Variants in SLC40A1 observed in about 807,000 individuals in gnomAD.
SLC40A1 encodes solute carrier family 40 member 1, also known as ferroportin.
In SLC40A1, 16 loss-of-function variants were observed where a neutral mutation model predicts 53.5. The ratio of observed to expected loss-of-function variants is 0.30; its 90% CI spans 0.20 to 0.45. SLC40A1 has a LOEUF of 0.45. Ranked by LOEUF, SLC40A1 falls within the 20% of genes least tolerant of loss-of-function variation. The probability of loss-of-function intolerance (pLI) is 1.00; values close to 1 mark genes in which losing one functional copy is unlikely to be tolerated. For synonymous variants in SLC40A1, 247 were observed against 253.2 expected, an observed-to-expected ratio of 0.98 and a Z score of 0.23; for missense variants, 545 against 695.4, an observed-to-expected ratio of 0.78 and a Z score of 2.43.
At chr2:189,563,404 TATAAA>T (rs1386919585) in intron 7 of SLC40A1, among the ~76,000 whole-genome samples, 175 bp downstream of exon 7, 1 of 151,950 alleles carries the variant, frequency 6.6e-6, no homozygotes, top group Non-Finnish European at 1.5e-5. Context: ...GTTTTCAAAC[TATAAA>T]ATAAAAAACA....
At chr2:189,570,045 CA>C in intron 5 of SLC40A1, among the ~76,000 whole-genome samples, 1 of 132,286 alleles carries the variant, frequency 7.6e-6, no homozygotes, top group Non-Finnish European at 1.7e-5. Context: ...TATATATATA[CA>C]CACACCTATA....
chr2:189,571,875 G>T, intron 4 of SLC40A1, 34 bp from the exon 5 acceptor site: 1 of 1,384,198 alleles, frequency 7.2e-7, no homozygotes, highest in Non-Finnish European at 1.0e-6. Context: ...GAGTTATAAT[G>T]TCAGTTTACC....
At chr2:189,569,840 A>G (rs1470828100) in intron 5 of SLC40A1, among the ~76,000 whole-genome samples, 1 of 152,138 alleles carries the variant, frequency 6.6e-6, no homozygotes, top group Non-Finnish European at 1.5e-5. Flanking sequence ...ATAATTCATA[A>G]TATAAAGACA....
chr2:189,571,903 C>T (rs927577896), intron 4 of SLC40A1, 62 bp from the exon 5 acceptor site: 1 of 1,029,080 alleles, frequency 9.7e-7, no homozygotes, highest in African/African-American at 1.6e-5. Context: ...ACATATGTCA[C>T]TAAACAAGGC....
chr2:189,567,411 T>C (rs1382796369), intron 5 of SLC40A1, among the ~76,000 whole-genome samples: 1 of 152,210 alleles, frequency 6.6e-6, no homozygotes, highest in East Asian at 1.9e-4. Context: ...TTTGAGATGA[T>C]GGAGATGTAT....
At position 189,580,625 on chromosome 2, in the gene SLC40A1, A is replaced by T. The variant is rs2031438738; in HGVS notation, c.-165T>A. ...GACGACTTTGGCAAAGAACAAAAGAAAAGGGGCCCAGGGATTTTCTTTTTT... is the reference window on the plus strand; with the variant it reads ...GACGACTTTGGCAAAGAACAAAAGATAAGGGGCCCAGGGATTTTCTTTTTT... On this transcript the variant is annotated 5_prime_UTR_variant, in exon 1 of 8. Transcript: ENST00000261024. The T allele has an allele frequency of 6.5e-7, 1 of 1,537,452 alleles. No individual in the cohort carries two copies. The highest frequency in any genetic ancestry group is 1.4e-5 in the African/African-American group (1 of 72,674).
At chr2:189,562,653 A>G (rs1241433970) in intron 7 of SLC40A1, among the ~76,000 whole-genome samples, 1 of 152,224 alleles carries the variant, frequency 6.6e-6, no homozygotes, top group East Asian at 1.9e-4. Context: ...GGAAATTAAT[A>G]TCTTCAATAA....
rs560856820 is a variant in SLC40A1, at chr2:189,562,140, A to G, written c.1454T>C (p.Ile485Thr). ...ATTTATAATGCCTCTTTCAGATTCA[A>G]TTACATTTTCTTGCAGCAACTGTGT... ...TVTQLLQENV[I>T]ESERGIINGV... is the part of the protein sequence containing the mutation. Residue 485 changes from isoleucine to threonine, a missense_variant, in exon 8 of 8, where the codon ATT (isoleucine) becomes ACT (threonine). By Grantham distance (89) the Ile-to-Thr change is moderately conservative. Around this residue, in one of 4 missense-constraint regions of SLC40A1, gnomAD observed 234 missense variants for 299.0 expected, o/e 0.78. Transcript: ENST00000261024. 1.9e-6 allele frequency: 3 copies of G among 1,613,932 alleles called. No individual in the cohort carries two copies. Among genetic ancestry groups the G allele is most frequent in the African/African-American group, 2.7e-5 (2 of 75,056 alleles).
chr2:189,580,784 G>GCCT lies in SLC40A1; in HGVS notation c.-325_-324insAGG. The GCCT allele has an allele frequency of 7.9e-7, 1 of 1,273,046 alleles. No individual in the cohort carries two copies. Among genetic ancestry groups the GCCT allele is most frequent in the Non-Finnish European group, 1.0e-6 (1 of 1,000,648 alleles). 78.9% of individuals were successfully genotyped at this position (1,273,046 alleles called of 1,614,324 possible). On this transcript the variant is annotated 5_prime_UTR_variant, in exon 1 of 8. Coordinates refer to ENST00000261024, the MANE Select transcript of SLC40A1 (RefSeq NM_014585.6). ...GCCAGCTCTCTCCGCCGCCGCCGCC[G>GCCT]CCGCCGTGGGCCGGGCCCAGCTCTT...
intron 6 of SLC40A1, among the ~76,000 whole-genome samples, 173 bp from the exon 7 acceptor site, chr2:189,564,398 C>A (rs368884553): frequency 1.3e-5 from 2 of 152,184 alleles, no homozygotes; most frequent in East Asian, 1.9e-4. Context: ...AAGGAATAAT[C>A]ATCAAGTGTC....
intron 6 of SLC40A1, among the ~76,000 whole-genome samples, chr2:189,564,765 A>G (rs1266063999): frequency 6.6e-6 from 1 of 152,106 alleles, no homozygotes; most frequent in African/African-American, 2.4e-5. Context: ...GCGTGAACCC[A>G]GGAGGCAGAG....
chr2:189,570,093 T>C (rs2031080030), intron 5 of SLC40A1, among the ~76,000 whole-genome samples: 1 of 150,730 alleles, frequency 6.6e-6, no homozygotes, highest in Non-Finnish European at 1.5e-5. Flanking sequence ...TATATATGTA[T>C]GTGTGTATAT....
At position 189,561,930 on chromosome 2, in the gene SLC40A1, G is replaced by C; in HGVS notation, c.1664C>G (p.Pro555Arg). ...TLGNKLFACG[P>R]DAKEVRKENQ... ...TTCCTTCCTAACTTCTTTTGCATCAGGACCGCAAGCAAAGAGCTTGTTTCC... is the reference window on the plus strand; with the variant it reads ...TTCCTTCCTAACTTCTTTTGCATCACGACCGCAAGCAAAGAGCTTGTTTCC... Residue 555 changes from proline (P) to arginine (R), a missense_variant, in exon 8 of 8, where the codon CCT becomes CGT. This residue lies in a region of SLC40A1 where 234 missense variants were observed against 299.0 expected (regional missense o/e 0.78). Transcript: ENST00000261024. 6.2e-7 allele frequency: 1 copy of C among 1,614,106 alleles called. No homozygotes were observed. The highest frequency in any genetic ancestry group is 8.5e-7 in the Non-Finnish European group (1 of 1,180,018).
intron 2 of SLC40A1, chr2:189,578,228 G>C (rs2031352423): frequency 2.0e-6 from 2 of 995,776 alleles, no homozygotes; most frequent in Non-Finnish European, 2.4e-6. Context: ...CCTAGTGTTA[G>C]AGACATTCCT....
intron 5 of SLC40A1, among the ~76,000 whole-genome samples, chr2:189,571,448 A>T (rs1455253381): frequency 3.2e-4 from 49 of 151,102 alleles, no homozygotes; most frequent in Non-Finnish European, 5.5e-4. Flanking sequence ...TTTTTTTTAA[A>T]AAAAAAAAAG....
chr2:189,580,380 T>G (rs1227717515), intron 1 of SLC40A1, 38 bp downstream of exon 1: 6 of 1,609,542 alleles, frequency 3.7e-6, no homozygotes, highest in Non-Finnish European at 5.1e-6. Flanking sequence ...AAGCCCCACC[T>G]GGGTTTCCAC....
In SLC40A1 at chr2:189,564,205, C is replaced by G; in HGVS notation, c.781G>C (p.Glu261Gln). Residue 261 changes from glutamate (E) to glutamine (Q), a missense_variant, in exon 7 of 8, where the codon GAG becomes CAG. Physicochemically the swap from Glu to Gln is conservative, Grantham distance 29. Transcript: ENST00000261024. ...TTCACACCCATTAGATGAGTTCCCT[C>G]CAGGGGTTTTGGCTCAGTATCTGTT... ...LHKDTEPKPL[E>Q]GTHLMGVKDS... is the part of the protein sequence containing the mutation. 1 of 1,614,026 alleles carries G rather than the reference C, an allele frequency of 6.2e-7. No homozygotes were observed.
At chr2:189,571,934 G>A in intron 4 of SLC40A1, 93 bp from the exon 5 acceptor site, 3 of 831,538 alleles carry the variant, frequency 3.6e-6, no homozygotes, top group Admixed American at 1.8e-5. Flanking sequence ...AGTCTTTGGT[G>A]GAATGATAAA....
chr2:189,577,655 T>C (rs1182012599), intron 2 of SLC40A1, among the ~76,000 whole-genome samples: 9 of 150,188 alleles, frequency 6.0e-5, no homozygotes, highest in African/African-American at 2.2e-4. Flanking sequence ...TATTCTGTTG[T>C]CCAGGCTGGA....
Sources: gnomAD v4.1 joint callset for allele counts (sites outside exome capture counted in the v4.1 genomes callset) on GRCh38, gnomAD v4.1.1 for gene constraint, gnomAD v4.1.1 regional missense constraint, MANE v1.5 for transcripts, NCBI Gene and HGNC (gene_info 2026-07-23, HGNC 2026-07-21) for gene names.